The following COG5 variants were observed in gnomAD, a reference collection of about 807,000 sequenced individuals.
The protein encoded by COG5 is component of oligomeric golgi complex 5.
Under a neutral mutation model 110.4 loss-of-function variants are expected in COG5, and 86 were observed. The ratio of observed to expected loss-of-function variants is 0.78; its 90% confidence interval spans 0.65 to 0.93. The LOEUF (loss-of-function observed/expected upper bound fraction) is 0.93, where lower values mean the gene tolerates loss of function less well. Among genes scored for constraint, COG5 ranks in the 40% least tolerant of loss-of-function variants. The pLI, the probability that COG5 is intolerant of heterozygous loss-of-function variation, is 0.00. For missense variants in COG5, 1,077 were observed against 987.0 expected (o/e 1.09, Z -1.22); for synonymous variants, 360 against 334.6 (o/e 1.08, Z -0.83).
chr7:107,493,076 G>A (rs994118051), intron 6 of COG5, among the ~76,000 whole-genome samples: 1 of 152,126 alleles, frequency 6.6e-6, no homozygotes, highest in Admixed American at 6.6e-5. Context: ...TACACATACA[G>A]CAATGCTGCT....
chr7:107,210,054 G>T, intron 21 of COG5: 1 of 1,029,752 alleles, frequency 9.7e-7, no homozygotes, highest in Non-Finnish European at 1.2e-6. Flanking sequence ...TGCATTCATG[G>T]GGCACTACTG....
chr7:107,215,813 C>A (rs1799488587), intron 19 of COG5, among the ~76,000 whole-genome samples: 1 of 151,624 alleles, frequency 6.6e-6, no homozygotes, highest in Non-Finnish European at 1.5e-5. Flanking sequence ...GGGTTCACGC[C>A]ATTCCCCTGC....
At chr7:107,395,521 G>A (rs1035518514) in intron 7 of COG5, among the ~76,000 whole-genome samples, 5 of 131,130 alleles carry the variant, frequency 3.8e-5, no homozygotes, top group Non-Finnish European at 6.4e-5. Context: ...AAATCAAATC[G>A]TCTTTACCAT....
At chr7:107,370,494 T>C (rs984863751) in intron 8 of COG5, among the ~76,000 whole-genome samples, 3 of 152,022 alleles carry the variant, frequency 2.0e-5, no homozygotes, top group Non-Finnish European at 4.4e-5. Context: ...TTTTAAAATA[T>C]AAAATAATTG....
intron 6 of COG5, among the ~76,000 whole-genome samples, chr7:107,524,865 T>C (rs537865145): frequency 2.2e-4 from 33 of 152,326 alleles, no homozygotes; most frequent in African/African-American, 6.5e-4. Flanking sequence ...ATAATGGTTT[T>C]ACACTGCATT....
At chr7:107,505,627 A>ACTGC (rs1333734311) in intron 6 of COG5, among the ~76,000 whole-genome samples, 1 of 152,220 alleles carries the variant, frequency 6.6e-6, no homozygotes, top group Non-Finnish European at 1.5e-5. Context: ...AAGCACCAGG[A>ACTGC]CTGCCTGACT....
At chr7:107,252,056 C>A (rs1562934336) in intron 16 of COG5, among the ~76,000 whole-genome samples, 1 of 151,976 alleles carries the variant, frequency 6.6e-6, no homozygotes, top group Admixed American at 6.6e-5. Context: ...CTAAAGACAT[C>A]AAAAAGATAG....
intron 6 of COG5, among the ~76,000 whole-genome samples, chr7:107,442,568 T>C (rs1317180251): frequency 6.6e-6 from 1 of 151,032 alleles, no homozygotes; most frequent in East Asian, 1.9e-4. Context: ...CCCTCCCTAC[T>C]TTCACATATA....
chr7:107,538,753 GAA>G (rs34214783), intron 5 of COG5, among the ~76,000 whole-genome samples: 7 of 140,074 alleles, frequency 5.0e-5, no homozygotes, highest in East Asian at 2.1e-4. Context: ...CCCAAGAATT[GAA>G]AAAAAAAAAA....
intron 12 of COG5, among the ~76,000 whole-genome samples, chr7:107,294,709 CTTTCT>C (rs1402132499): frequency 8.0e-6 from 1 of 125,244 alleles, no homozygotes; most frequent in Non-Finnish European, 1.6e-5. Flanking sequence ...TCTTAATTTT[CTTTCT>C]TTTTTTTTTT....
intron 10 of COG5, among the ~76,000 whole-genome samples, chr7:107,341,598 G>A (rs1280978556): frequency 1.3e-5 from 2 of 152,148 alleles, no homozygotes; most frequent in East Asian, 3.9e-4. Context: ...GAACAAAGCT[G>A]AAGACATTAC....
chr7:107,202,635 C>T lies in COG5; in HGVS notation c.*881G>A, dbSNP rs1035820173. The stretch of plus-strand genomic sequence containing the variant: ...GAGATGGAAAACATAAGGCAAATTC[C>T]TAACACTGCTAATTAGGAGGCTGCT... On this transcript the variant is annotated 3_prime_UTR_variant, in exon 22 of 22. Transcript: ENST00000297135. 1 of 152,082 alleles carries T rather than the reference C, an allele frequency of 6.6e-6. No homozygotes were observed. Among genetic ancestry groups the T allele is most frequent in the African/African-American group, 2.4e-5 (1 of 41,342 alleles). The allele number at this position is 152,082 out of a possible 1,614,324, so 9.4% of individuals were successfully genotyped here.
intron 5 of COG5, among the ~76,000 whole-genome samples, chr7:107,538,601 A>T (rs1190206239): frequency 6.6e-6 from 1 of 152,210 alleles, no homozygotes; most frequent in Admixed American, 6.5e-5. Flanking sequence ...AGTATTAAAA[A>T]AAAGTACAGA....
intron 18 of COG5, among the ~76,000 whole-genome samples, chr7:107,232,848 G>A (rs762308651): frequency 2.0e-5 from 3 of 152,106 alleles, no homozygotes; most frequent in Non-Finnish European, 4.4e-5. Context: ...TCCAGCCCCC[G>A]TTTGGAGAGA....
At chr7:107,393,858 C>T (rs530050676) in intron 7 of COG5, among the ~76,000 whole-genome samples, 7 of 152,292 alleles carry the variant, frequency 4.6e-5, no homozygotes, top group South Asian at 2.1e-4. Context: ...TATGAATTGT[C>T]ACTGTAAGTT....
chr7:107,521,204 T>TAGACA (rs1436665627), intron 6 of COG5, among the ~76,000 whole-genome samples: 2 of 152,114 alleles, frequency 1.3e-5, no homozygotes, highest in East Asian at 3.9e-4. Flanking sequence ...GATGAAAACA[T>TAGACA]AGACAAGACC....
In COG5 at chr7:107,295,016, C is replaced by CAT. The variant is rs201447896; in HGVS notation, c.1313+3124_1313+3125dup. Among the ~76,000 whole-genome samples the CAT allele has an allele frequency of 1.1e-4, 13 of 113,826 alleles. 1 individual carries two copies. The South Asian group carries it at 2.3e-3, about 20-fold the overall frequency. 74.7% of individuals were successfully genotyped at this position (113,826 alleles called of 152,430 possible). A position where few individuals can be genotyped will look rare whatever the true frequency, so the allele number is the denominator to read the frequency against. Reference sequence around the variant, plus strand: ...ACATATACACATCTATATATACACACATATATATATACACACACATATACA... The same window carrying CAT: ...ACATATACACATCTATATATACACACATATATATATATACACACACATATACA... On this transcript the variant is annotated intron_variant, in intron 12 of 21. Transcript: ENST00000297135.
intron 6 of COG5, among the ~76,000 whole-genome samples, chr7:107,462,726 T>C (rs1483920873): frequency 1.3e-5 from 2 of 151,402 alleles, no homozygotes; most frequent in Non-Finnish European, 2.9e-5. Context: ...CAGGACACAA[T>C]GATTGCCCAG....
At chr7:107,477,651 C>G (rs1169296605) in intron 6 of COG5, among the ~76,000 whole-genome samples, 3 of 151,722 alleles carry the variant, frequency 2.0e-5, no homozygotes, top group East Asian at 3.9e-4. Context: ...AAACTCATAC[C>G]TATCAGAAAA....
Sources: allele counts gnomAD v4.1 joint callset (sites outside exome capture counted in the v4.1 genomes callset), GRCh38; gene constraint gnomAD v4.1.1; transcripts MANE v1.5; gene names NCBI Gene and HGNC (gene_info 2026-07-23, HGNC 2026-07-21).